KPNA1: variants seen among roughly 807,000 people sequenced by gnomAD.
KPNA1 encodes the protein importin subunit alpha-5.
In KPNA1, 10 loss-of-function variants were observed where a neutral mutation model predicts 70.5. That is an observed-to-expected ratio of 0.14 (90% CI 0.09 to 0.24). The LOEUF is 0.24. Among genes scored for constraint, KPNA1 ranks in the 10% least tolerant of loss-of-function variants. KPNA1 has a pLI of 1.00. For missense variants in KPNA1, 397 were observed against 637.9 expected (o/e 0.62, Z 4.07); for synonymous variants, 192 against 221.9 (o/e 0.87, Z 1.20).
intron 1 of KPNA1, among the ~76,000 whole-genome samples, chr3:122,504,739 T>G (rs2076870840): frequency 6.6e-6 from 1 of 152,180 alleles, no homozygotes; most frequent in South Asian, 2.1e-4. Context: ...CTGGTGAGAT[T>G]TTTAAGTTTC....
In KPNA1 at chr3:122,437,204, G is replaced by A; in HGVS notation, c.1088C>T (p.Ser363Phe). ...SIKKEACWTI[S>F]NITAGNRAQI... ...TGCCCTATTTCCAGCTGTAATATTA[G>A]ATATCGTCCAACATGCTTCCTTTTT... The change falls in exon 11 of 14, where the codon TCT (serine) becomes TTT (phenylalanine). Residue 363 changes from serine to phenylalanine, a missense_variant. Transcript: ENST00000344337. The A allele has an allele frequency of 6.2e-7, 1 of 1,613,976 alleles. No individual in the cohort carries two copies. The highest frequency in any genetic ancestry group is 8.5e-7 in the Non-Finnish European group (1 of 1,179,872).
chr3:122,484,186 C>T (rs2076603309), intron 2 of KPNA1, among the ~76,000 whole-genome samples: 1 of 152,158 alleles, frequency 6.6e-6, no homozygotes, highest in South Asian at 2.1e-4. Flanking sequence ...TTTTAAGATA[C>T]TGGTACTGGA....
intron 9 of KPNA1, among the ~76,000 whole-genome samples, chr3:122,444,248 C>T (rs1433631327): frequency 6.6e-6 from 1 of 152,180 alleles, no homozygotes; most frequent in East Asian, 1.9e-4. Flanking sequence ...TCACTGTTAT[C>T]TTGTTCTTTT....
At chr3:122,496,862 C>G (rs986182236) in intron 1 of KPNA1, among the ~76,000 whole-genome samples, 4 of 152,114 alleles carry the variant, frequency 2.6e-5, no homozygotes, top group African/African-American at 9.7e-5. Flanking sequence ...TGCCACCATG[C>G]CCAGAGAATT....
intron 13 of KPNA1, 71 bp downstream of exon 13, chr3:122,427,467 T>C: frequency 7.0e-7 from 1 of 1,436,822 alleles, no homozygotes; most frequent in Non-Finnish European, 9.5e-7. Context: ...GTAGTAGTAT[T>C]GTTTTTACTG....
At chr3:122,461,025 TATA>T (rs1184795186) in intron 5 of KPNA1, among the ~76,000 whole-genome samples, 196 bp downstream of exon 5, 2 of 152,100 alleles carry the variant, frequency 1.3e-5, no homozygotes, top group Non-Finnish European at 2.9e-5. Flanking sequence ...GATTAAAAAT[TATA>T]ATAATAATAA....
intron 5 of KPNA1, among the ~76,000 whole-genome samples, chr3:122,456,378 T>A (rs535675821): frequency 6.6e-6 from 1 of 151,912 alleles, no homozygotes; most frequent in African/African-American, 2.4e-5. Flanking sequence ...GGAAAAAAAA[T>A]AAGATCAGAA....
intron 2 of KPNA1, among the ~76,000 whole-genome samples, chr3:122,481,099 A>C (rs928398858): frequency 5.3e-5 from 8 of 152,248 alleles, no homozygotes; most frequent in African/African-American, 2.4e-5. Flanking sequence ...GCAGTTCCAC[A>C]AAATATTAAA....
intron 2 of KPNA1, among the ~76,000 whole-genome samples, chr3:122,477,359 T>C (rs75917970): frequency 0.22 from 34,114 of 152,126 alleles, 4,243 homozygotes; most frequent in Non-Finnish European, 0.27. Context: ...TTGTACAACA[T>C]GGTGACTATA....
rs371227102 is a variant in KPNA1, at chr3:122,448,289, C to T, written c.917+1285G>A. On this transcript the variant is annotated intron_variant, in intron 9 of 13. Coordinates refer to ENST00000344337, the MANE Select transcript of KPNA1 (RefSeq NM_002264.4). Reference sequence around the variant, plus strand: ...ATTATAAATCATGCTACTACAAAGACACATCCATGTTTATTGCGGCACTAT... The same window carrying T: ...ATTATAAATCATGCTACTACAAAGATACATCCATGTTTATTGCGGCACTAT... 2.0e-5 allele frequency among the ~76,000 whole-genome samples: 3 copies of T among 152,176 alleles called. No individual in the cohort carries two copies. In the East Asian group the frequency reaches 5.8e-4, roughly 29 times the overall value.
At chr3:122,484,748 G>C (rs1341578576) in intron 2 of KPNA1, among the ~76,000 whole-genome samples, 1 of 152,116 alleles carries the variant, frequency 6.6e-6, no homozygotes, top group Non-Finnish European at 1.5e-5. Context: ...ATGGGTCAGA[G>C]GACTCAAGAT....
chr3:122,467,501 G>T, intron 2 of KPNA1, 72 bp from the exon 3 acceptor site: 3 of 827,296 alleles, frequency 3.6e-6, no homozygotes, highest in Non-Finnish European at 5.8e-6. Flanking sequence ...TCAAATACTA[G>T]GCACCCCATT....
chr3:122,441,843 C>T (rs753606241), intron 10 of KPNA1, among the ~76,000 whole-genome samples, 195 bp downstream of exon 10: 6 of 152,186 alleles, frequency 3.9e-5, no homozygotes, highest in African/African-American at 9.7e-5. Context: ...TCAGGCAATC[C>T]GTCCGCCTCA....
chr3:122,456,893 C>CAATA (rs1229757349), intron 5 of KPNA1, among the ~76,000 whole-genome samples: 1 of 152,124 alleles, frequency 6.6e-6, no homozygotes, highest in Admixed American at 6.5e-5. Context: ...ATTAATAAGG[C>CAATA]AATAAAACAC....
chr3:122,499,077 A>G (rs2076795134), intron 1 of KPNA1, among the ~76,000 whole-genome samples: 1 of 152,230 alleles, frequency 6.6e-6, no homozygotes, highest in African/African-American at 2.4e-5. Flanking sequence ...TGTATTTTAC[A>G]ATCCTGCTGA....
chr3:122,436,611 C>T (rs1560018532), intron 11 of KPNA1, among the ~76,000 whole-genome samples: 2 of 152,128 alleles, frequency 1.3e-5, no homozygotes, highest in African/African-American at 4.8e-5. Flanking sequence ...ATAACTATTT[C>T]TTGGGTCTTG....
At chr3:122,439,366 T>A (rs1205825730) in intron 10 of KPNA1, among the ~76,000 whole-genome samples, 1 of 151,934 alleles carries the variant, frequency 6.6e-6, no homozygotes, top group Non-Finnish European at 1.5e-5. Context: ...TAAAAAAAAA[T>A]GTTTTTAGAG....
intron 6 of KPNA1, among the ~76,000 whole-genome samples, chr3:122,453,398 A>T (rs773650057): frequency 4.6e-5 from 7 of 152,354 alleles, no homozygotes; most frequent in East Asian, 3.9e-4. Context: ...ACAGTCACTA[A>T]GAAATTTTCT....
At chr3:122,456,599 C>T (rs1275698282) in intron 5 of KPNA1, among the ~76,000 whole-genome samples, 1 of 152,024 alleles carries the variant, frequency 6.6e-6, no homozygotes, top group African/African-American at 2.4e-5. Flanking sequence ...AGAAGCTACA[C>T]AAGTTAATAA....
Sources: allele counts gnomAD v4.1 joint callset (sites outside exome capture counted in the v4.1 genomes callset), GRCh38; gene constraint gnomAD v4.1.1; transcripts MANE v1.5; gene names NCBI Gene and HGNC (gene_info 2026-07-23, HGNC 2026-07-21).